HEMK2: variants seen among roughly 807,000 people sequenced by gnomAD.
HEMK2 encodes methyltransferase HEMK2.
chr21:28,704,964 T>C, the HEMK2 span, among the ~76,000 whole-genome samples: 1 of 152,216 alleles, frequency 6.6e-6, no homozygotes, highest in African/African-American at 2.4e-5. Flanking sequence ...CTTCTAATTT[T>C]ACATTCGGAG....
At chr21:28,764,593 T>C in the HEMK2 span, among the ~76,000 whole-genome samples, 63,466 of 151,996 alleles carry the variant, frequency 0.42, 14,190 homozygotes, top group African/African-American at 0.56. Flanking sequence ...TTTGGCAGTC[T>C]ATCAGTTGCA....
At chr21:28,784,263 G>T in the HEMK2 span, among the ~76,000 whole-genome samples, 1 of 152,338 alleles carries the variant, frequency 6.6e-6, no homozygotes, top group Non-Finnish European at 1.5e-5. Flanking sequence ...TCTAGCTAAG[G>T]GATTGTAAAT....
chr21:28,588,321 G>A, the HEMK2 span, among the ~76,000 whole-genome samples: 2 of 152,142 alleles, frequency 1.3e-5, no homozygotes, highest in Admixed American at 1.3e-4. Context: ...CACACTACAG[G>A]CTCTGCCCCA....
the HEMK2 span, among the ~76,000 whole-genome samples, chr21:28,581,030 T>C: frequency 6.6e-6 from 1 of 152,160 alleles, no homozygotes; most frequent in Non-Finnish European, 1.5e-5. Flanking sequence ...CCACGAATCT[T>C]ATTTTTTTTA....
At chr21:28,646,645 T>C in the HEMK2 span, among the ~76,000 whole-genome samples, 2 of 152,298 alleles carry the variant, frequency 1.3e-5, no homozygotes, top group African/African-American at 4.8e-5. Context: ...ATCAGTCAGG[T>C]GGCAGCTGGA....
At chr21:28,797,433 CA>C in the HEMK2 span, among the ~76,000 whole-genome samples, 50 of 127,508 alleles carry the variant, frequency 3.9e-4, 2 homozygotes, top group African/African-American at 1.5e-3. Context: ...CTGTCTCTAC[CA>C]AAAAAAACAA....
the HEMK2 span, among the ~76,000 whole-genome samples, chr21:28,806,706 T>C: frequency 1.3e-5 from 2 of 152,110 alleles, no homozygotes; most frequent in African/African-American, 4.8e-5. Flanking sequence ...GAAAAGGTTA[T>C]GTGAAGAGAC....
chr21:28,631,619 A>T, the HEMK2 span, among the ~76,000 whole-genome samples: 2 of 152,228 alleles, frequency 1.3e-5, no homozygotes, highest in African/African-American at 4.8e-5. Flanking sequence ...AATCCTTTAT[A>T]TGAAACTAAA....
chr21:28,751,066 T>C, the HEMK2 span, among the ~76,000 whole-genome samples: 1 of 151,740 alleles, frequency 6.6e-6, no homozygotes, highest in Non-Finnish European at 1.5e-5. Flanking sequence ...CCCGTCTCTA[T>C]GAAAAATACA....
At chr21:28,581,835 C>G in the HEMK2 span, among the ~76,000 whole-genome samples, 1 of 152,100 alleles carries the variant, frequency 6.6e-6, no homozygotes, top group African/African-American at 2.4e-5. Context: ...AAAATTGAAT[C>G]CAATGATCTT....
At chr21:28,853,515 C>T in the HEMK2 span, among the ~76,000 whole-genome samples, 1 of 151,746 alleles carries the variant, frequency 6.6e-6, no homozygotes, top group African/African-American at 2.4e-5. Flanking sequence ...AGGTGTAGCA[C>T]ACCCCCTCAT....
At chr21:28,657,720 T>C in the HEMK2 span, among the ~76,000 whole-genome samples, 3 of 152,072 alleles carry the variant, frequency 2.0e-5, no homozygotes, top group Non-Finnish European at 4.4e-5. Flanking sequence ...ATACTTATGA[T>C]ATAATCCCCA....
At chr21:28,882,385 T>C in the HEMK2 span, 16 of 576,202 alleles carry the variant, frequency 2.8e-5, no homozygotes, top group Non-Finnish European at 4.5e-5. Context: ...TATTCAATAA[T>C]GGCAAAGAAA....
the HEMK2 span, among the ~76,000 whole-genome samples, chr21:28,751,580 C>A: frequency 6.6e-6 from 1 of 152,164 alleles, no homozygotes; most frequent in East Asian, 1.9e-4. Flanking sequence ...TAGTTAAGGG[C>A]AGAAGAGATG....
the HEMK2 span, among the ~76,000 whole-genome samples, chr21:28,836,805 G>A: frequency 7.2e-6 from 1 of 139,490 alleles, no homozygotes; most frequent in African/African-American, 2.9e-5. Context: ...TTAAAGTAAA[G>A]CGGTTAAAAA....
chr21:28,752,760 C>T, the HEMK2 span, among the ~76,000 whole-genome samples: 1 of 152,114 alleles, frequency 6.6e-6, no homozygotes, highest in African/African-American at 2.4e-5. Context: ...AGGGATAAAG[C>T]CAGCTCTACA....
chr21:28,661,579 T>C, the HEMK2 span, among the ~76,000 whole-genome samples: 1 of 152,078 alleles, frequency 6.6e-6, no homozygotes, highest in Admixed American at 6.6e-5. Flanking sequence ...TATATATATA[T>C]GTTCTCTTTT....
chr21:28,735,733 C>A, the HEMK2 span, among the ~76,000 whole-genome samples: 5 of 152,196 alleles, frequency 3.3e-5, no homozygotes, highest in Admixed American at 3.3e-4. Context: ...TTAAAGAACT[C>A]ATGTGATGAG....
At chr21:28,844,837 T>G in the HEMK2 span, among the ~76,000 whole-genome samples, 1 of 152,082 alleles carries the variant, frequency 6.6e-6, no homozygotes, top group African/African-American at 2.4e-5. Flanking sequence ...TTTTTGGACA[T>G]ATGGATTCAT....
Sources: allele counts gnomAD v4.1 joint callset (sites outside exome capture counted in the v4.1 genomes callset), GRCh38; gene constraint gnomAD v4.1.1; transcripts MANE v1.5; gene names NCBI Gene and HGNC (gene_info 2026-07-23, HGNC 2026-07-21).